Variants in AUTS2 observed in about 807,000 individuals in gnomAD.
AUTS2 encodes activator of transcription and developmental regulator AUTS2, also known as autism susceptibility gene 2 protein.
AUTS2 carries 17 observed loss-of-function variants against 112.4 expected under a neutral mutation model. That is an observed-to-expected ratio of 0.15 (90% CI 0.10 to 0.23). AUTS2 has a LOEUF of 0.23. AUTS2 is among the 10% of genes least tolerant of loss of function. AUTS2 has a pLI of 1.00. For missense variants in AUTS2, 1,510 were observed against 1,701.6 expected (o/e 0.89, Z 1.98); for synonymous variants, 751 against 702.7 (o/e 1.07, Z -1.09).
intron 4 of AUTS2, among the ~76,000 whole-genome samples, chr7:70,312,633 G>A (rs996208052): frequency 6.6e-5 from 10 of 152,176 alleles, no homozygotes; most frequent in African/African-American, 2.4e-4. Context: ...GTGAAGGTGG[G>A]ACTGAAAGTA....
chr7:70,654,998 T>C (rs1202924769), intron 5 of AUTS2, among the ~76,000 whole-genome samples: 1 of 152,244 alleles, frequency 6.6e-6, no homozygotes, highest in South Asian at 2.1e-4. Context: ...GCACTGCAAG[T>C]TGACTTGAAA....
At chr7:70,739,036 T>G (rs1269565861) in intron 6 of AUTS2, among the ~76,000 whole-genome samples, 4 of 87,856 alleles carry the variant, frequency 4.6e-5, no homozygotes, top group Middle Eastern at 8.8e-3. Flanking sequence ...TTTTTTTTTT[T>G]TGAGAGAGAG....
At chr7:70,763,814 AT>A (rs943410342) in intron 7 of AUTS2, among the ~76,000 whole-genome samples, 3 of 151,160 alleles carry the variant, frequency 2.0e-5, no homozygotes, top group East Asian at 1.9e-4. Flanking sequence ...CAGCTTAAGG[AT>A]TTTTTTTTTC....
intron 14 of AUTS2, 178 bp from the exon 15 acceptor site, chr7:70,781,437 C>A: frequency 1.6e-6 from 1 of 626,248 alleles, no homozygotes; most frequent in Non-Finnish European, 2.6e-6. Flanking sequence ...ACAGGCACTA[C>A]CGGCCTGCAG....
chr7:70,022,715 G>A (rs1800330730), intron 2 of AUTS2, among the ~76,000 whole-genome samples: 1 of 152,000 alleles, frequency 6.6e-6, no homozygotes, highest in Non-Finnish European at 1.5e-5. Context: ...GAGAGGTCTG[G>A]GAAGTGGCAT....
chr7:70,768,013 T>C lies in AUTS2; in HGVS notation c.1690-11T>C. On this transcript the variant is annotated splice_polypyrimidine_tract_variant and intron_variant, in intron 9 of 18. Coordinates refer to ENST00000342771, the MANE Select transcript of AUTS2 (RefSeq NM_015570.4). The stretch of plus-strand genomic sequence containing the variant: ...ATTAAGTAACTAGCTTTTGCTTTGA[T>C]CCCTTTACAGTTTGACAAATACCCT... 1 of 1,610,400 alleles carries C rather than the reference T, an allele frequency of 6.2e-7. No homozygotes were observed. Among genetic ancestry groups the C allele is most frequent in the Non-Finnish European group, 8.5e-7 (1 of 1,178,774 alleles).
At chr7:70,024,856 T>G (rs1800443665) in intron 2 of AUTS2, among the ~76,000 whole-genome samples, 1 of 152,226 alleles carries the variant, frequency 6.6e-6, no homozygotes, top group Admixed American at 6.5e-5. Context: ...TTATAGAGGA[T>G]AACCTCCTTT....
At chr7:70,071,754 C>T (rs1424715465) in intron 2 of AUTS2, among the ~76,000 whole-genome samples, 1 of 152,150 alleles carries the variant, frequency 6.6e-6, no homozygotes, top group East Asian at 1.9e-4. Flanking sequence ...AATCTCTATC[C>T]CCATCAGATG....
chr7:70,433,208 G>A (rs570438322), intron 4 of AUTS2, among the ~76,000 whole-genome samples: 21 of 152,278 alleles, frequency 1.4e-4, no homozygotes, highest in East Asian at 3.9e-4. Context: ...ACATACTGCC[G>A]TTAGGATAGG....
At chr7:70,761,823 A>G (rs1789580822) in intron 6 of AUTS2, among the ~76,000 whole-genome samples, 1 of 152,232 alleles carries the variant, frequency 6.6e-6, no homozygotes, top group African/African-American at 2.4e-5. Flanking sequence ...TTTAATATCC[A>G]AGGTTAGTCT....
At chr7:70,503,288 C>T (rs1337725452) in intron 5 of AUTS2, among the ~76,000 whole-genome samples, 1 of 152,086 alleles carries the variant, frequency 6.6e-6, no homozygotes, top group Admixed American at 6.5e-5. Context: ...CTGTTTATGT[C>T]ACCAAATAGT....
chr7:69,972,452 C>T (rs1797885990), intron 2 of AUTS2, among the ~76,000 whole-genome samples: 1 of 152,088 alleles, frequency 6.6e-6, no homozygotes, highest in Non-Finnish European at 1.5e-5. Context: ...AAGTTTTAAA[C>T]TTTGATGCAG....
chr7:69,729,422 C>G (rs974170111), intron 1 of AUTS2, among the ~76,000 whole-genome samples: 2 of 138,714 alleles, frequency 1.4e-5, no homozygotes, highest in African/African-American at 5.5e-5. Flanking sequence ...CCCCAACACC[C>G]CCCCCCCCAT....
intron 4 of AUTS2, among the ~76,000 whole-genome samples, chr7:70,338,586 C>A (rs1791102068): frequency 1.3e-5 from 2 of 152,184 alleles, no homozygotes; most frequent in South Asian, 4.2e-4. Context: ...CCAGTTAAAG[C>A]CCAGAAGAAA....
At chr7:70,620,218 C>A (rs1804598574) in intron 5 of AUTS2, among the ~76,000 whole-genome samples, 1 of 152,168 alleles carries the variant, frequency 6.6e-6, no homozygotes, top group Non-Finnish European at 1.5e-5. Flanking sequence ...CATGTAAATG[C>A]AATTTTTGAC....
chr7:70,527,355 T>G (rs927583093), intron 5 of AUTS2, among the ~76,000 whole-genome samples: 4 of 152,190 alleles, frequency 2.6e-5, no homozygotes, highest in Non-Finnish European at 4.4e-5. Context: ...TCTCTTTTTT[T>G]GGGGGGGTTG....
intron 1 of AUTS2, among the ~76,000 whole-genome samples, chr7:69,698,625 GCA>G (rs1379343257): frequency 1.3e-5 from 2 of 152,122 alleles, no homozygotes; most frequent in African/African-American, 4.8e-5. Flanking sequence ...GCCTCACAGT[GCA>G]CACAGCCTTA....
At chr7:70,073,993 A>G (rs955263317) in intron 2 of AUTS2, among the ~76,000 whole-genome samples, 3 of 152,228 alleles carry the variant, frequency 2.0e-5, no homozygotes, top group Non-Finnish European at 4.4e-5. Context: ...TTTACACCTA[A>G]TTAGATTTTG....
chr7:69,853,515 A>G (rs1244886310), intron 1 of AUTS2, among the ~76,000 whole-genome samples: 1 of 152,138 alleles, frequency 6.6e-6, no homozygotes, highest in Non-Finnish European at 1.5e-5. Flanking sequence ...ATTTATCATT[A>G]TACTTGAAGT....
Sources: allele counts gnomAD v4.1 joint callset (sites outside exome capture counted in the v4.1 genomes callset), GRCh38; gene constraint gnomAD v4.1.1; transcripts MANE v1.5; gene names NCBI Gene and HGNC (gene_info 2026-07-23, HGNC 2026-07-21).